Variants in HMCN1 observed in about 807,000 individuals in gnomAD.
HMCN1 encodes hemicentin-1.
A neutral mutation model predicts 625.9 loss-of-function variants in HMCN1; 321 were observed. That is an observed-to-expected ratio of 0.51 (90% CI 0.47 to 0.56). HMCN1 has a LOEUF of 0.56. HMCN1 is among the 20% of genes least tolerant of loss of function. HMCN1 has a pLI of 0.00. For missense variants in HMCN1, 6,588 were observed against 6,887.3 expected, an observed-to-expected ratio of 0.96 and a Z score of 1.54; for synonymous variants, 2,425 against 2,417.6, an observed-to-expected ratio of 1.00 and a Z score of -0.09.
At chr1:185,760,942 A>C (rs1459756175) in intron 1 of HMCN1, among the ~76,000 whole-genome samples, 1 of 152,150 alleles carries the variant, frequency 6.6e-6, no homozygotes, top group East Asian at 1.9e-4. Context: ...TGGATCCAAG[A>C]TTTGAAACCA....
chr1:185,784,842 G>A (rs917812220), intron 1 of HMCN1, among the ~76,000 whole-genome samples: 1 of 152,160 alleles, frequency 6.6e-6, no homozygotes, highest in Non-Finnish European at 1.5e-5. Flanking sequence ...CGTCTACCAT[G>A]TAAGCCCAGA....
At chr1:185,867,451 A>C (rs1663329321) in intron 4 of HMCN1, among the ~76,000 whole-genome samples, 1 of 152,200 alleles carries the variant, frequency 6.6e-6, no homozygotes. Context: ...AATTGTCTTC[A>C]ACCTGGAATT....
Position 185,977,989 on chromosome 1 carries a change from G to T in HMCN1, c.2566+8G>T. ...GAGCTCTCTTTATTTTAAGTAGGTT[G>T]AAGGAAATATATTTTGTACGAATAT... On this transcript the variant is annotated splice_region_variant and intron_variant, in intron 16 of 106. Transcript: ENST00000271588. 6.3e-7 allele frequency: 1 copy of T among 1,583,448 alleles called. No homozygotes were observed. Among genetic ancestry groups the T allele is most frequent in the Non-Finnish European group, 8.7e-7 (1 of 1,152,674 alleles).
chr1:186,073,922 A>G (rs1658628405), intron 52 of HMCN1, among the ~76,000 whole-genome samples: 1 of 152,098 alleles, frequency 6.6e-6, no homozygotes, highest in Non-Finnish European at 1.5e-5. Flanking sequence ...TATGACTCCT[A>G]TTTAGTGGGT....
chr1:186,092,265 A>G (rs541718570), intron 64 of HMCN1, among the ~76,000 whole-genome samples: 11 of 152,020 alleles, frequency 7.2e-5, no homozygotes, highest in African/African-American at 2.6e-4. Flanking sequence ...TCAATGTACT[A>G]CCTTTGTTTG....
intron 4 of HMCN1, among the ~76,000 whole-genome samples, chr1:185,897,041 T>C (rs1426941475): frequency 1.3e-5 from 2 of 152,206 alleles, no homozygotes; most frequent in Admixed American, 1.3e-4. Flanking sequence ...AATGGCATCA[T>C]CATTCCTTTT....
intron 105 of HMCN1, among the ~76,000 whole-genome samples, chr1:186,182,752 A>T (rs1214296436): frequency 6.6e-6 from 1 of 152,206 alleles, no homozygotes; most frequent in Admixed American, 6.5e-5. Flanking sequence ...GTCTACATTG[A>T]TGTGGAACAA....
chr1:186,166,722 C>G, intron 99 of HMCN1, 86 bp from the exon 100 acceptor site: 1 of 1,593,716 alleles, frequency 6.3e-7, no homozygotes, highest in Non-Finnish European at 8.6e-7. Flanking sequence ...GGGTCCTTCA[C>G]TGCTTTTTGT....
intron 26 of HMCN1, 35 bp from the exon 27 acceptor site, chr1:186,001,263 G>A: frequency 6.3e-7 from 1 of 1,579,600 alleles, no homozygotes; most frequent in Non-Finnish European, 8.7e-7. Context: ...TATTTATTAT[G>A]AAACTAGCTA....
intron 71 of HMCN1, among the ~76,000 whole-genome samples, chr1:186,111,975 T>G (rs899077961): frequency 3.9e-5 from 6 of 152,180 alleles, no homozygotes; most frequent in Non-Finnish European, 5.9e-5. Flanking sequence ...TCATCTTAGG[T>G]ACAATGAGAG....
chr1:186,125,571 T>C, intron 81 of HMCN1, 33 bp from the exon 82 acceptor site: 6 of 1,537,572 alleles, frequency 3.9e-6, no homozygotes, highest in Non-Finnish European at 5.4e-6. Context: ...TGAACTCAGC[T>C]TCCTGGATGA....
At chr1:186,182,125 T>G (rs779619793) in intron 104 of HMCN1, 43 bp from the exon 105 acceptor site, 2 of 1,610,790 alleles carry the variant, frequency 1.2e-6, no homozygotes, top group Admixed American at 3.3e-5. Flanking sequence ...AGTGTCTGCT[T>G]TTTTCTTGTG....
At chr1:185,738,365 A>G (rs146089588) in intron 1 of HMCN1, among the ~76,000 whole-genome samples, 178 of 152,196 alleles carry the variant, frequency 1.2e-3, no homozygotes, top group African/African-American at 3.7e-3. Context: ...TTTTGCTTCT[A>G]TAGATTTTTC....
chr1:185,970,318 C>T lies in HMCN1; in HGVS notation c.2213-17C>T, dbSNP rs1650721877. ...AATACTTTAGTGTTTAATGTTCTCC[C>T]CTTTGTTTTGACTTAGGAGATCTTG... On this transcript the variant is annotated splice_polypyrimidine_tract_variant and intron_variant, in intron 14 of 106. Transcript: ENST00000271588. The T allele has an allele frequency of 6.2e-7, 1 of 1,607,974 alleles. No homozygotes were observed. Among genetic ancestry groups the T allele is most frequent in the Non-Finnish European group, 8.5e-7 (1 of 1,174,466 alleles).
At chr1:185,766,009 T>G (rs1056231986) in intron 1 of HMCN1, among the ~76,000 whole-genome samples, 2 of 152,182 alleles carry the variant, frequency 1.3e-5, no homozygotes, top group Non-Finnish European at 2.9e-5. Context: ...CATATCCTTA[T>G]GACTACCTCC....
chr1:185,889,357 G>A (rs1303346225), intron 4 of HMCN1, among the ~76,000 whole-genome samples: 30 of 146,928 alleles, frequency 2.0e-4, no homozygotes, highest in Non-Finnish European at 3.1e-4. Flanking sequence ...TTGAATAGGA[G>A]TGGTGAGAGA....
At chr1:185,805,550 A>G (rs764056889) in intron 1 of HMCN1, among the ~76,000 whole-genome samples, 1 of 152,204 alleles carries the variant, frequency 6.6e-6, no homozygotes, top group Non-Finnish European at 1.5e-5. Flanking sequence ...CTCATTATTG[A>G]TAAAGGACAA....
At chr1:185,932,960 T>C (rs1667627597) in intron 10 of HMCN1, among the ~76,000 whole-genome samples, 1 of 152,190 alleles carries the variant, frequency 6.6e-6, no homozygotes, top group Admixed American at 6.5e-5. Flanking sequence ...TGTCACTCAA[T>C]GCCTTTTGTG....
chr1:185,881,059 G>A (rs970611217), intron 4 of HMCN1, among the ~76,000 whole-genome samples: 1 of 152,196 alleles, frequency 6.6e-6, no homozygotes, highest in African/African-American at 2.4e-5. Flanking sequence ...ATGTTACACT[G>A]CTCTTTTAGC....
Sources: allele counts gnomAD v4.1 joint callset (sites outside exome capture counted in the v4.1 genomes callset), GRCh38; gene constraint gnomAD v4.1.1; transcripts MANE v1.5; gene names NCBI Gene and HGNC (gene_info 2026-07-23, HGNC 2026-07-21).